Variants in FAM151B observed in about 807,000 individuals in gnomAD.
The protein encoded by FAM151B is protein FAM151B.
In FAM151B, 24 loss-of-function variants were observed where a neutral mutation model predicts 31.2. The observed-to-expected ratio is 0.77, with a 90% CI of 0.56 to 1.08. The LOEUF is 1.08. Among genes scored for constraint, FAM151B ranks in the 50% least tolerant of loss-of-function variants. The pLI is 0.00. For missense variants in FAM151B, 293 were observed against 328.6 expected (o/e 0.89, Z 0.84); for synonymous variants, 105 against 111.4 (o/e 0.94, Z 0.36).
intron 1 of FAM151B, among the ~76,000 whole-genome samples, chr5:80,493,406 A>G (rs1478362646): frequency 1.3e-5 from 2 of 152,080 alleles, no homozygotes; most frequent in African/African-American, 4.8e-5. Flanking sequence ...TGTACCTTAA[A>G]AAAGAACAGA....
chr5:80,533,000 A>G (rs1745319805), intron 5 of FAM151B, among the ~76,000 whole-genome samples: 1 of 152,242 alleles, frequency 6.6e-6, no homozygotes, highest in Non-Finnish European at 1.5e-5. Context: ...AGCAAAAGCC[A>G]TACTAAGATG....
intron 1 of FAM151B, among the ~76,000 whole-genome samples, chr5:80,494,451 C>CTTTCTTTCTTTCT (rs776271080): frequency 0.035 from 1,612 of 46,630 alleles, 67 homozygotes; most frequent in African/African-American, 0.073. Context: ...CTTTTTCTTT[C>CTTTCTTTCTTTCT]TTTCTTTTCT....
intron 2 of FAM151B, among the ~76,000 whole-genome samples, chr5:80,508,978 AT>A (rs371498972): frequency 5.4e-5 from 8 of 148,308 alleles, no homozygotes; most frequent in South Asian, 2.1e-4. Flanking sequence ...TCATGTTGAA[AT>A]TTTTTTTTTT....
At chr5:80,491,586 G>A (rs1300869857) in intron 1 of FAM151B, among the ~76,000 whole-genome samples, 1 of 152,068 alleles carries the variant, frequency 6.6e-6, no homozygotes, top group Admixed American at 6.6e-5. Flanking sequence ...CTGTCTAACC[G>A]GAACTTTGCA....
chr5:80,515,817 G>A (rs1744417719), intron 3 of FAM151B, among the ~76,000 whole-genome samples: 1 of 152,134 alleles, frequency 6.6e-6, no homozygotes, highest in South Asian at 2.1e-4. Context: ...TCATTTTCCG[G>A]ATGAGGCAAT....
chr5:80,529,035 G>C (rs1745104240), intron 5 of FAM151B, among the ~76,000 whole-genome samples: 1 of 152,154 alleles, frequency 6.6e-6, no homozygotes, highest in South Asian at 2.1e-4. Flanking sequence ...ATAACAAACT[G>C]TCTCTGAGAC....
chr5:80,501,750 T>TA (rs771077902), intron 1 of FAM151B, 42 bp from the exon 2 acceptor site: 3 of 1,508,528 alleles, frequency 2.0e-6, no homozygotes, highest in African/African-American at 1.4e-5. Flanking sequence ...TTTTACCCTA[T>TA]AAAAAACAAT....
intron 4 of FAM151B, among the ~76,000 whole-genome samples, chr5:80,520,402 C>T (rs1347005327): frequency 1.3e-5 from 2 of 151,774 alleles, no homozygotes; most frequent in Admixed American, 6.6e-5. Flanking sequence ...CACCACACTT[C>T]GGGAGGCCAA....
intron 5 of FAM151B, among the ~76,000 whole-genome samples, chr5:80,527,919 T>C (rs1419964469): frequency 6.6e-6 from 1 of 152,244 alleles, no homozygotes; most frequent in Non-Finnish European, 1.5e-5. Flanking sequence ...TCTTTTTGAC[T>C]CTTTAGCAAT....
chr5:80,519,957 C>A, intron 4 of FAM151B, 47 bp downstream of exon 4: 1 of 1,535,292 alleles, frequency 6.5e-7, no homozygotes, highest in Non-Finnish European at 8.9e-7. Context: ...AAATATCCTC[C>A]AGGTATAAAA....
intron 1 of FAM151B, chr5:80,500,936 A>G: frequency 1.4e-6 from 1 of 738,644 alleles, no homozygotes; most frequent in Non-Finnish European, 2.5e-6. Flanking sequence ...CACTTCAAAG[A>G]AGCAAATAAC....
intron 5 of FAM151B, among the ~76,000 whole-genome samples, chr5:80,529,095 G>T (rs149141876): frequency 1.3e-5 from 2 of 151,946 alleles, no homozygotes; most frequent in African/African-American, 2.4e-5. Context: ...ACTCAAAACC[G>T]CTCAACTACA....
At position 80,522,316 on chromosome 5, in the gene FAM151B, C is replaced by T; in HGVS notation, c.671+178C>T. ...ACCGGATTGGAGCTCCTTGATGAAC[C>T]TTAACTTACTTAACATCGTATATTT... On this transcript the variant is annotated intron_variant, in intron 5 of 5. Transcript: ENST00000282226. 7.7e-6 allele frequency: 4 copies of T among 519,088 alleles called. No homozygotes were observed. The South Asian group carries it at 1.7e-4, about 22-fold the overall frequency. The allele number at this position is 519,088 out of a possible 1,614,324, so 32.2% of individuals were successfully genotyped here. A position where few individuals can be genotyped will look rare whatever the true frequency, so the allele number is the denominator to read the frequency against.
At position 80,494,472 on chromosome 5, in the gene FAM151B, C is replaced by CT. The variant is rs760227570; in HGVS notation, c.25+6327dup. ...CTTTCTTTCTTTTCTTTCTTTCTTTCTTTCTTTCTTTCTTTCTTTCTTTCT... is the reference window on the plus strand; with the variant it reads ...CTTTCTTTCTTTTCTTTCTTTCTTTCTTTTCTTTCTTTCTTTCTTTCTTTCT... On this transcript the variant is annotated intron_variant, in intron 1 of 5. Coordinates refer to ENST00000282226, the MANE Select transcript of FAM151B (RefSeq NM_205548.3). Among the ~76,000 whole-genome samples the CT allele has an allele frequency of 5.5e-3, 479 of 87,644 alleles. 6 individuals are homozygous for CT. The highest frequency in any genetic ancestry group is 0.01 in the African/African-American group (263 of 25,550). 57.5% of individuals were successfully genotyped at this position (87,644 alleles called of 152,430 possible). A position where few individuals can be genotyped will look rare whatever the true frequency, so the allele number is the denominator to read the frequency against.
At chr5:80,493,850 C>A (rs1185119543) in intron 1 of FAM151B, among the ~76,000 whole-genome samples, 1 of 152,144 alleles carries the variant, frequency 6.6e-6, no homozygotes, top group Non-Finnish European at 1.5e-5. Flanking sequence ...GCCTTGTGAT[C>A]TTAATTGCCC....
At chr5:80,527,742 G>T (rs1345522203) in intron 5 of FAM151B, among the ~76,000 whole-genome samples, 1 of 152,098 alleles carries the variant, frequency 6.6e-6, no homozygotes, top group Non-Finnish European at 1.5e-5. Flanking sequence ...TCAGTGAGTG[G>T]GTGGTAAATG....
At chr5:80,521,213 C>T (rs1744699864) in intron 4 of FAM151B, among the ~76,000 whole-genome samples, 1 of 148,302 alleles carries the variant, frequency 6.7e-6, no homozygotes, top group African/African-American at 2.5e-5. Context: ...CACCTTCAAC[C>T]TCCTGGGCTC....
At chr5:80,501,736 A>T in intron 1 of FAM151B, 56 bp from the exon 2 acceptor site, 1 of 1,388,738 alleles carries the variant, frequency 7.2e-7, no homozygotes, top group Non-Finnish European at 9.9e-7. Flanking sequence ...AGTGATTTTA[A>T]AAATTTTACC....
At chr5:80,507,526 C>G (rs1025637736) in intron 2 of FAM151B, among the ~76,000 whole-genome samples, 1 of 151,948 alleles carries the variant, frequency 6.6e-6, no homozygotes, top group Admixed American at 6.6e-5. Flanking sequence ...ACTAAAAATA[C>G]AAAAATTAGC....
Sources: allele counts gnomAD v4.1 joint callset (sites outside exome capture counted in the v4.1 genomes callset), GRCh38; gene constraint gnomAD v4.1.1; transcripts MANE v1.5; gene names NCBI Gene and HGNC (gene_info 2026-07-23, HGNC 2026-07-21).